The following STAG2 variants were observed in gnomAD, a reference collection of about 807,000 sequenced individuals.
STAG2 encodes the protein cohesin subunit SA-2.
Under a neutral mutation model 108.1 loss-of-function variants are expected in STAG2, and 14 were observed. The observed-to-expected ratio is 0.13, with a 90% CI of 0.09 to 0.20. The LOEUF is 0.20. Among genes scored for constraint, STAG2 ranks in the 10% least tolerant of loss-of-function variants. The pLI is 1.00. For missense variants in STAG2, 440 were observed against 940.9 expected (o/e 0.47, Z 6.96); for synonymous variants, 307 against 302.7 (o/e 1.01, Z -0.15).
intron 6 of STAG2, among the ~76,000 whole-genome samples, 172 bp downstream of exon 6, chrX:124,037,795 T>A: frequency 8.9e-6 from 1 of 112,681 alleles, no homozygotes; most frequent in South Asian, 3.6e-4. Context: ...AGAGAGAAAG[T>A]CTATTGACAA....
chrX:124,089,361 T>G (rs1476092152), intron 30 of STAG2, among the ~76,000 whole-genome samples: 1 of 112,564 alleles, frequency 8.9e-6, no homozygotes, highest in Non-Finnish European at 1.9e-5. Flanking sequence ...ATGGCAACAT[T>G]TACAGACATT....
intron 14 of STAG2, among the ~76,000 whole-genome samples, chrX:124,056,973 A>G (rs1283074411): frequency 9.2e-6 from 1 of 108,632 alleles, no homozygotes; most frequent in Non-Finnish European, 1.9e-5. Context: ...GCTCACTGTA[A>G]CCAACCTCTG....
intron 6 of STAG2, among the ~76,000 whole-genome samples, chrX:124,041,598 A>C (rs755682675): frequency 1.8e-5 from 2 of 111,291 alleles, no homozygotes; most frequent in African/African-American, 6.5e-5. Flanking sequence ...CTAGTAAGCA[A>C]ATAATTCAAC....
intron 3 of STAG2, among the ~76,000 whole-genome samples, chrX:124,024,009 G>A (rs984364420): frequency 8.0e-5 from 9 of 111,826 alleles, no homozygotes; most frequent in South Asian, 3.7e-4. Flanking sequence ...ACCTAGGGTA[G>A]TTTTTGTTGT....
chrX:124,064,843 G>C (rs151076431), intron 20 of STAG2, among the ~76,000 whole-genome samples: 176 of 111,535 alleles, frequency 1.6e-3, no homozygotes, highest in African/African-American at 5.3e-3. Flanking sequence ...AAGAGGCTTA[G>C]TGCATAGTAC....
At chrX:124,048,428 A>G (rs2057938521) in intron 9 of STAG2, among the ~76,000 whole-genome samples, 1 of 111,630 alleles carries the variant, frequency 9.0e-6, no homozygotes, top group African/African-American at 3.3e-5. Context: ...ACTACATTAC[A>G]GATTTCTTTA....
chrX:124,014,319 CCTTTTA>C (rs2056625362), intron 1 of STAG2, among the ~76,000 whole-genome samples: 1 of 111,395 alleles, frequency 9.0e-6, no homozygotes, highest in Admixed American at 9.5e-5. Flanking sequence ...TTTAGAAAGG[CCTTTTA>C]CTTTGGCCTC....
intron 9 of STAG2, 99 bp from the exon 10 acceptor site, chrX:124,048,906 A>C: frequency 3.2e-6 from 2 of 618,996 alleles, no homozygotes; most frequent in Non-Finnish European, 5.2e-6. Context: ...TCCCCAAAAT[A>C]CTGGGGAATT....
At chrX:123,965,436 G>A (rs1369353186) in intron 1 of STAG2, among the ~76,000 whole-genome samples, 2 of 111,285 alleles carry the variant, frequency 1.8e-5, no homozygotes, top group Non-Finnish European at 3.8e-5. Context: ...TGACTTCTGC[G>A]GTCACCTGAG....
At chrX:124,012,338 A>T (rs1037561826) in intron 1 of STAG2, among the ~76,000 whole-genome samples, 10 of 111,975 alleles carry the variant, frequency 8.9e-5, no homozygotes, top group Non-Finnish European at 1.9e-4. Flanking sequence ...GGAATGTTTA[A>T]GATTAGAGAG....
intron 23 of STAG2, among the ~76,000 whole-genome samples, chrX:124,066,864 T>C (rs1003328615): frequency 8.9e-6 from 1 of 112,211 alleles, no homozygotes; most frequent in Non-Finnish European, 1.9e-5. Flanking sequence ...TGATTGAATA[T>C]ATAATGTGCC....
intron 6 of STAG2, 35 bp from the exon 7 acceptor site, chrX:124,042,534 A>G (rs1485588677): frequency 9.8e-7 from 1 of 1,024,088 alleles, no homozygotes; most frequent in Non-Finnish European, 1.4e-6. Context: ...TTTTTATCAC[A>G]CCATATATTA....
intron 28 of STAG2, among the ~76,000 whole-genome samples, chrX:124,082,550 AATT>A (rs776273231): frequency 9.1e-6 from 1 of 110,439 alleles, no homozygotes; most frequent in Non-Finnish European, 1.9e-5. Flanking sequence ...CCCTCAACTT[AATT>A]ATTATTATTA....
At chrX:124,013,307 G>GCACA (rs906512157) in intron 1 of STAG2, among the ~76,000 whole-genome samples, 2 of 97,795 alleles carry the variant, frequency 2.0e-5, no homozygotes, top group Non-Finnish European at 4.2e-5. Flanking sequence ...GTATACACAT[G>GCACA]CACACACACA....
At chrX:124,014,237 C>T (rs1321616105) in intron 1 of STAG2, among the ~76,000 whole-genome samples, 1 of 112,110 alleles carries the variant, frequency 8.9e-6, no homozygotes, top group Non-Finnish European at 1.9e-5. Context: ...GCTCCTTCCC[C>T]AATTCCTGAA....
intron 34 of STAG2, among the ~76,000 whole-genome samples, chrX:124,096,688 C>G (rs2059386578): frequency 9.0e-6 from 1 of 111,720 alleles, no homozygotes; most frequent in African/African-American, 3.3e-5. Context: ...TGCCATCTCC[C>G]TTTTTAGAAT....
At chrX:123,995,133 C>T (rs1441487172) in intron 1 of STAG2, among the ~76,000 whole-genome samples, 2 of 111,526 alleles carry the variant, frequency 1.8e-5, no homozygotes, top group Non-Finnish European at 3.8e-5. Flanking sequence ...AGTGAGCTGG[C>T]CCAGAGATGG....
intron 33 of STAG2, 65 bp downstream of exon 33, chrX:124,094,209 T>G: frequency 1.3e-5 from 14 of 1,078,482 alleles, no homozygotes; most frequent in Non-Finnish European, 1.6e-5. Context: ...TGTTGGATAT[T>G]TATTAGAGTA....
At chrX:123,970,983 C>T (rs1262087605) in intron 1 of STAG2, among the ~76,000 whole-genome samples, 1 of 111,704 alleles carries the variant, frequency 9.0e-6, no homozygotes, top group Admixed American at 9.5e-5. Context: ...GGGGCACTCA[C>T]TGAATGGCAT....
Sources: allele counts gnomAD v4.1 joint callset (sites outside exome capture counted in the v4.1 genomes callset), GRCh38; gene constraint gnomAD v4.1.1; transcripts MANE v1.5; gene names NCBI Gene and HGNC (gene_info 2026-07-23, HGNC 2026-07-21).